The following BMP1 variants were observed in gnomAD, a reference collection of about 807,000 sequenced individuals.
BMP1 encodes mammalian tolloid protein.
In BMP1, 63 loss-of-function variants were observed where a neutral mutation model predicts 116.8. That is an observed-to-expected ratio of 0.54 (90% CI 0.44 to 0.67). BMP1 has a LOEUF of 0.67. Ranked by LOEUF, BMP1 falls within the 30% of genes least tolerant of loss-of-function variation. The pLI, the probability that BMP1 is intolerant of heterozygous loss-of-function variation, is 0.00. For synonymous variants in BMP1, 536 were observed against 533.4 expected (o/e 1.00, Z -0.07); for missense variants, 1,183 against 1,358.9 (o/e 0.87, Z 2.04).
chr8:22,202,008 G>T, intron 16 of BMP1, 80 bp downstream of exon 16: 3 of 1,516,620 alleles, frequency 2.0e-6, no homozygotes, highest in Non-Finnish European at 2.7e-6. Flanking sequence ...ATCTCCATCA[G>T]CCTCCGTTTA....
At chr8:22,185,597 T>C (rs1334289601) in intron 8 of BMP1, among the ~76,000 whole-genome samples, 1 of 152,022 alleles carries the variant, frequency 6.6e-6, no homozygotes, top group African/African-American at 2.4e-5. Context: ...CCTCCTGATA[T>C]GCTACGTGTT....
chr8:22,209,556 C>T lies in BMP1; in HGVS notation c.2687C>T (p.Ala896Val). The stretch of plus-strand genomic sequence containing the variant: ...GTGGACTGTGAGTGGGTCATTGTGG[C>T]CGAGGAAGGCTACGGCGTGGAGCTC... ...GGVDCEWVIV[A>V]EEGYGVELVF... Residue 896 changes from alanine (A) to valine (V), a missense_variant, in exon 19 of 20, where the codon GCC becomes GTC. By Grantham distance (64) the Ala-to-Val change is moderately conservative (BLOSUM62 0). Coordinates refer to ENST00000306385, the MANE Select transcript of BMP1 (RefSeq NM_006129.5). 6.2e-7 allele frequency: 1 copy of T among 1,614,210 alleles called. No homozygotes were observed. Among genetic ancestry groups the T allele is most frequent in the Non-Finnish European group, 8.5e-7 (1 of 1,180,026 alleles).
chr8:22,166,293 A>G (rs1828107729), intron 1 of BMP1, among the ~76,000 whole-genome samples: 1 of 151,900 alleles, frequency 6.6e-6, no homozygotes, highest in South Asian at 2.1e-4. Flanking sequence ...GAGAACCCAG[A>G]TATTGTATAT....
At chr8:22,171,015 T>A (rs895845015) in intron 1 of BMP1, 10 of 152,210 alleles carry the variant, frequency 6.6e-5, no homozygotes, top group Non-Finnish European at 1.3e-4. Context: ...TTGGTGAGTA[T>A]GAACCCACTG....
intron 19 of BMP1, among the ~76,000 whole-genome samples, 191 bp from the exon 20 acceptor site, chr8:22,211,403 C>T (rs994130566): frequency 6.6e-6 from 1 of 152,188 alleles, no homozygotes; most frequent in East Asian, 1.9e-4. Context: ...ACTTAGTTCT[C>T]TTCGGCCCAC....
At chr8:22,207,071 A>G (rs1829374160) in intron 17 of BMP1, 90 bp downstream of exon 17, 3 of 1,556,066 alleles carry the variant, frequency 1.9e-6, no homozygotes, top group Non-Finnish European at 2.6e-6. Flanking sequence ...GGCTGAGCCC[A>G]GAGGTCTGCC....
chr8:22,180,142 T>C (rs1828571261), intron 7 of BMP1, among the ~76,000 whole-genome samples: 1 of 151,856 alleles, frequency 6.6e-6, no homozygotes, highest in South Asian at 2.1e-4. Flanking sequence ...CTGGAACCCA[T>C]ATTGCCTTCA....
intron 15 of BMP1, 128 bp from the exon 16 acceptor site, chr8:22,201,675 T>C: frequency 1.4e-6 from 2 of 1,473,458 alleles, no homozygotes; most frequent in Non-Finnish European, 1.8e-6. Context: ...CCACCTGGCC[T>C]GGCCAGCTCT....
chr8:22,173,338 C>G (rs2131844132), intron 1 of BMP1, among the ~76,000 whole-genome samples: 1 of 152,298 alleles, frequency 6.6e-6, no homozygotes, highest in Admixed American at 6.5e-5. Flanking sequence ...CCCACACTCC[C>G]CAAAGAATGA....
At chr8:22,181,077 C>T (rs1348583173) in intron 8 of BMP1, among the ~76,000 whole-genome samples, 1 of 152,222 alleles carries the variant, frequency 6.6e-6, no homozygotes, top group Admixed American at 6.5e-5. Context: ...GTGGGTCTCT[C>T]CTTCTCACCC....
chr8:22,176,297 TG>T lies in BMP1; in HGVS notation c.422del (p.Gly141GlufsTer15). 6.2e-7 allele frequency: 1 copy of T among 1,600,604 alleles called. No homozygotes were observed. Among genetic ancestry groups the T allele is most frequent in the Non-Finnish European group, 8.5e-7 (1 of 1,172,182 alleles). ...WPDGVIPFVI[G>X]GNFTGSQRAV... ...CCGATGGGGTCATCCCCTTTGTCAT[TG>T]GGGGAAACTTCACTGGTGAGCGTGC... On this transcript the variant is annotated frameshift_variant, in exon 3 of 20. Transcript: ENST00000306385. LOFTEE classifies it high-confidence loss of function.
chr8:22,189,766 C>T (rs953354580), intron 8 of BMP1, among the ~76,000 whole-genome samples: 5 of 151,990 alleles, frequency 3.3e-5, no homozygotes, highest in Non-Finnish European at 7.4e-5. Flanking sequence ...ATGCCTGGTC[C>T]ACATTTGGTA....
In BMP1 at chr8:22,177,893, G is replaced by A. The variant is rs868245124; in HGVS notation, c.772G>A (p.Glu258Lys). 4 of 1,613,706 alleles carry A rather than the reference G, an allele frequency of 2.5e-6. No homozygotes were observed. In the Middle Eastern group the frequency reaches 5.0e-4, roughly 200 times the overall value. The change falls in exon 6 of 20, where the codon GAG (glutamate) becomes AAG (lysine). Residue 258 changes from glutamate to lysine, a missense_variant. Around this residue, in one of 4 missense-constraint regions of BMP1, gnomAD observed 956 missense variants for 1,135.2 expected, o/e 0.84. Transcript: ENST00000306385. ...NFLKMEPQEV[E>K]SLGETYDFDS... is the part of the protein sequence containing the mutation. ...CCTGAAGATGGAGCCTCAGGAGGTG[G>A]AGTCCCTGGGGGAGACCTATGACTT...
At chr8:22,192,393 C>G (rs555586276) in intron 9 of BMP1, 5 of 423,662 alleles carry the variant, frequency 1.2e-5, no homozygotes, top group Non-Finnish European at 1.7e-5. Context: ...CTGGGCCTCC[C>G]TGTGAAGTTG....
At chr8:22,205,841 C>T (rs1376510321) in intron 16 of BMP1, among the ~76,000 whole-genome samples, 2 of 152,146 alleles carry the variant, frequency 1.3e-5, no homozygotes, top group African/African-American at 4.8e-5. Context: ...CCTGAGCACC[C>T]CGAAGGAACA....
At chr8:22,210,582 G>A (rs1256558595) in intron 19 of BMP1, among the ~76,000 whole-genome samples, 1 of 152,078 alleles carries the variant, frequency 6.6e-6, no homozygotes, top group Non-Finnish European at 1.5e-5. Flanking sequence ...CAGGCAGCCT[G>A]GGTGCCCCAG....
At chr8:22,202,316 G>C (rs1217911951) in intron 16 of BMP1, among the ~76,000 whole-genome samples, 1 of 152,234 alleles carries the variant, frequency 6.6e-6, no homozygotes, top group Non-Finnish European at 1.5e-5. Context: ...CACTAGCTGT[G>C]TGCCTTTGAG....
chr8:22,182,345 A>C (rs943141852), intron 8 of BMP1, among the ~76,000 whole-genome samples: 1 of 152,230 alleles, frequency 6.6e-6, no homozygotes, highest in Non-Finnish European at 1.5e-5. Context: ...AAGAAGAACC[A>C]AGATTTCCCT....
chr8:22,211,284 C>T (rs1829458288), intron 19 of BMP1, among the ~76,000 whole-genome samples: 1 of 152,218 alleles, frequency 6.6e-6, no homozygotes, highest in South Asian at 2.1e-4. Context: ...AGAGCAGAGA[C>T]CTTTTGCTCC....
Sources: gnomAD v4.1 joint callset for allele counts (sites outside exome capture counted in the v4.1 genomes callset) on GRCh38, gnomAD v4.1.1 for gene constraint, gnomAD v4.1.1 regional missense constraint, MANE v1.5 for transcripts, NCBI Gene and HGNC (gene_info 2026-07-23, HGNC 2026-07-21) for gene names.